LRRC37A2: variants seen among roughly 807,000 people sequenced by gnomAD.
LRRC37A2 encodes the protein leucine-rich repeat-containing protein 37A2.
A neutral mutation model predicts 68.8 loss-of-function variants in LRRC37A2; 9 were observed. That is an observed-to-expected ratio of 0.13 (90% CI 0.08 to 0.23). LRRC37A2 has a LOEUF of 0.23. Among genes scored for constraint, LRRC37A2 ranks in the 10% least tolerant of loss-of-function variants. The probability of loss-of-function intolerance (pLI) is 1.00; values close to 1 mark genes in which losing one functional copy is unlikely to be tolerated. For missense variants in LRRC37A2, 168 were observed against 950.4 expected (o/e 0.18, Z 10.82); for synonymous variants, 63 against 367.6 (o/e 0.17, Z 9.48).
chr17:47,017,202 G>A, the LRRC37A2 span: 15 of 1,611,802 alleles, frequency 9.3e-6, no homozygotes, highest in South Asian at 7.7e-5. Flanking sequence ...AATGACTTCC[G>A]CTCAGTGCCC....
the LRRC37A2 span, among the ~76,000 whole-genome samples, chr17:46,877,363 C>T: frequency 6.6e-6 from 1 of 152,162 alleles, no homozygotes; most frequent in African/African-American, 2.4e-5. Flanking sequence ...GCCCTGGAGC[C>T]CTGTGTCCTT....
chr17:46,960,989 TAAAA>T, the LRRC37A2 span, among the ~76,000 whole-genome samples: 1 of 151,890 alleles, frequency 6.6e-6, no homozygotes, highest in South Asian at 2.1e-4. Flanking sequence ...AAATTTGAAA[TAAAA>T]ATAAAAGGCA....
chr17:46,902,479 T>TGTGC, the LRRC37A2 span, among the ~76,000 whole-genome samples: 1 of 151,654 alleles, frequency 6.6e-6, no homozygotes, highest in Non-Finnish European at 1.5e-5. Flanking sequence ...TGTGTGTGTG[T>TGTGC]GTGTGTGTGT....
chr17:46,942,022 C>T, the LRRC37A2 span: 481 of 906,798 alleles, frequency 5.3e-4, 2 homozygotes, highest in African/African-American at 8.0e-3. Context: ...TATATCCTAC[C>T]TTAGTCCAAA....
chr17:46,753,060 C>T, the LRRC37A2 span, among the ~76,000 whole-genome samples: 23,123 of 152,154 alleles, frequency 0.15, 3,445 homozygotes, highest in East Asian at 0.6. Context: ...TGAGCCACTG[C>T]GCCCGGCCAG....
At chr17:46,541,794 G>A (rs2055371238) in intron 8 of LRRC37A2, among the ~76,000 whole-genome samples, 2 of 150,980 alleles carry the variant, frequency 1.3e-5, no homozygotes, top group Non-Finnish European at 2.9e-5. Flanking sequence ...GAGTATACCT[G>A]AGGCTGTATA....
chr17:46,791,005 C>T, the LRRC37A2 span, among the ~76,000 whole-genome samples: 1 of 152,208 alleles, frequency 6.6e-6, no homozygotes, highest in Admixed American at 6.5e-5. Context: ...CTTTTCCCTT[C>T]TTCCTGGTTT....
At chr17:46,713,150 T>C in the LRRC37A2 span, 2 of 152,218 alleles carry the variant, frequency 1.3e-5, no homozygotes, top group African/African-American at 4.8e-5. Flanking sequence ...TTTTTTGTTG[T>C]TATGTATTAA....
At chr17:46,751,790 A>T in the LRRC37A2 span, among the ~76,000 whole-genome samples, 1 of 152,204 alleles carries the variant, frequency 6.6e-6, no homozygotes, top group African/African-American at 2.4e-5. Flanking sequence ...TCACTTAACA[A>T]TACTTTTTAA....
the LRRC37A2 span, among the ~76,000 whole-genome samples, chr17:46,867,590 C>T: frequency 6.6e-6 from 1 of 152,170 alleles, no homozygotes; most frequent in Non-Finnish European, 1.5e-5. Context: ...GTCCTGCTGA[C>T]GGTGGACAGA....
At chr17:46,881,913 T>C in the LRRC37A2 span, among the ~76,000 whole-genome samples, 55 of 152,132 alleles carry the variant, frequency 3.6e-4, no homozygotes, top group Non-Finnish European at 5.6e-4. Context: ...CATCACCACA[T>C]CTAAGAGATG....
chr17:46,808,673 T>C, the LRRC37A2 span, among the ~76,000 whole-genome samples: 1 of 152,064 alleles, frequency 6.6e-6, no homozygotes, highest in Non-Finnish European at 1.5e-5. Flanking sequence ...TGTTCCTAGA[T>C]AGAGAAACAA....
chr17:46,839,932 CTTTCTT>C, the LRRC37A2 span, among the ~76,000 whole-genome samples: 1 of 138,288 alleles, frequency 7.2e-6, no homozygotes, highest in South Asian at 2.4e-4. Context: ...TTCTTTCTTT[CTTTCTT>C]TCTTTCTTTC....
chr17:46,940,844 T>C, the LRRC37A2 span: 1 of 1,451,812 alleles, frequency 6.9e-7, no homozygotes, highest in South Asian at 1.4e-5. Flanking sequence ...CCAGTGTGTC[T>C]GGACACCCAG....
the LRRC37A2 span, among the ~76,000 whole-genome samples, chr17:46,982,486 C>G: frequency 6.6e-6 from 1 of 152,194 alleles, no homozygotes; most frequent in Non-Finnish European, 1.5e-5. Context: ...AATACATTAC[C>G]TCCCTGAATT....
At chr17:46,543,186 G>A (rs2055706073) in intron 8 of LRRC37A2, among the ~76,000 whole-genome samples, 2 of 150,610 alleles carry the variant, frequency 1.3e-5, no homozygotes, top group Admixed American at 6.6e-5. Flanking sequence ...TGAACTAAAT[G>A]TCTTATGGGA....
At chr17:46,493,488 GT>G in the LRRC37A2 span, among the ~76,000 whole-genome samples, 9 of 126,686 alleles carry the variant, frequency 7.1e-5, no homozygotes, top group Non-Finnish European at 1.3e-4. Context: ...TATTTAAGAT[GT>G]TTAATTGGGT....
the LRRC37A2 span, among the ~76,000 whole-genome samples, chr17:46,839,021 G>A: frequency 6.6e-6 from 1 of 152,096 alleles, no homozygotes; most frequent in Non-Finnish European, 1.5e-5. Flanking sequence ...GGGATTACAG[G>A]CGCCCGCCAC....
chr17:46,685,005 TTTTTG>T, the LRRC37A2 span, among the ~76,000 whole-genome samples: 7 of 96,350 alleles, frequency 7.3e-5, no homozygotes, highest in African/African-American at 1.7e-4. Context: ...AATATTGGGT[TTTTTG>T]TTTTGTTTGT....
Sources: allele counts gnomAD v4.1 joint callset (sites outside exome capture counted in the v4.1 genomes callset), GRCh38; gene constraint gnomAD v4.1.1; transcripts MANE v1.5; gene names NCBI Gene and HGNC (gene_info 2026-07-23, HGNC 2026-07-21).